Variants in RASEF observed in about 807,000 individuals in gnomAD.
The protein encoded by RASEF is ras and EF-hand domain-containing protein.
Under a neutral mutation model 90.1 loss-of-function variants are expected in RASEF, and 68 were observed. The ratio of observed to expected loss-of-function variants is 0.75; its 90% CI spans 0.62 to 0.92. The LOEUF (loss-of-function observed/expected upper bound fraction) is 0.92, where lower values mean the gene tolerates loss of function less well. Ranked by LOEUF, RASEF falls within the 40% of genes least tolerant of loss-of-function variation. The pLI is 0.00. For missense variants in RASEF, 949 were observed against 937.2 expected (o/e 1.01, Z -0.16); for synonymous variants, 331 against 345.2 (o/e 0.96, Z 0.46).
At chr9:83,120,234 A>T in the RASEF span, among the ~76,000 whole-genome samples, 1 of 152,240 alleles carries the variant, frequency 6.6e-6, no homozygotes, top group African/African-American at 2.4e-5. Context: ...GGAAAAAGTG[A>T]CTAGGGAAGG....
chr9:83,076,697 A>AT, the RASEF span, among the ~76,000 whole-genome samples: 1 of 152,204 alleles, frequency 6.6e-6, no homozygotes, highest in South Asian at 2.1e-4. Context: ...AGAGTGCCCT[A>AT]TAGAAGTGTT....
At chr9:83,165,179 T>G in the RASEF span, among the ~76,000 whole-genome samples, 1 of 152,096 alleles carries the variant, frequency 6.6e-6, no homozygotes, top group Non-Finnish European at 1.5e-5. Flanking sequence ...TGTTAACTAC[T>G]TCACTTAACA....
the RASEF span, among the ~76,000 whole-genome samples, chr9:83,077,344 A>G: frequency 6.6e-6 from 1 of 152,232 alleles, no homozygotes; most frequent in East Asian, 1.9e-4. Context: ...TAATATGACA[A>G]TAATTAGCCA....
At chr9:83,123,959 C>A in the RASEF span, among the ~76,000 whole-genome samples, 1 of 147,982 alleles carries the variant, frequency 6.8e-6, no homozygotes, top group African/African-American at 2.5e-5. Context: ...GAAACACTAA[C>A]TCTCCCTTAG....
At chr9:83,110,935 A>G in the RASEF span, among the ~76,000 whole-genome samples, 4 of 151,976 alleles carry the variant, frequency 2.6e-5, no homozygotes, top group African/African-American at 9.7e-5. Flanking sequence ...ATGAATTTAC[A>G]TGAAAAAAAA....
intron 1 of RASEF, among the ~76,000 whole-genome samples, chr9:83,056,216 C>G (rs1587527986): frequency 6.6e-6 from 1 of 152,048 alleles, no homozygotes; most frequent in African/African-American, 2.4e-5. Flanking sequence ...CAAGTTGAAG[C>G]AATGAACTTG....
chr9:83,111,147 A>T, the RASEF span, among the ~76,000 whole-genome samples: 2 of 152,250 alleles, frequency 1.3e-5, no homozygotes, highest in East Asian at 3.8e-4. Flanking sequence ...TTTAGGGGGC[A>T]AAAAGAAAAC....
chr9:83,047,439 A>G (rs1186879247), intron 1 of RASEF, among the ~76,000 whole-genome samples: 1 of 152,238 alleles, frequency 6.6e-6, no homozygotes, highest in Non-Finnish European at 1.5e-5. Context: ...ATGACCTCTT[A>G]TAACTAAATT....
At chr9:83,030,780 T>C (rs1006431629) in intron 1 of RASEF, among the ~76,000 whole-genome samples, 7 of 152,234 alleles carry the variant, frequency 4.6e-5, no homozygotes, top group African/African-American at 1.7e-4. Flanking sequence ...AAATGGTATG[T>C]GTTTGCCACC....
the RASEF span, among the ~76,000 whole-genome samples, chr9:83,181,351 G>A: frequency 1.3e-5 from 2 of 152,056 alleles, no homozygotes; most frequent in Non-Finnish European, 2.9e-5. Context: ...ACAAGGAGCA[G>A]ATTTCATCTC....
At chr9:83,070,334 T>C in the RASEF span, among the ~76,000 whole-genome samples, 2 of 152,156 alleles carry the variant, frequency 1.3e-5, no homozygotes, top group Non-Finnish European at 2.9e-5. Flanking sequence ...AGTTCACTTT[T>C]CTCTGTATGG....
chr9:83,097,814 A>T, the RASEF span, among the ~76,000 whole-genome samples: 1 of 152,202 alleles, frequency 6.6e-6, no homozygotes, highest in African/African-American at 2.4e-5. Flanking sequence ...ATTTGTTCAG[A>T]TGAATTAGCA....
chr9:82,990,242 T>C, intron 16 of RASEF, 149 bp downstream of exon 16: 1 of 547,530 alleles, frequency 1.8e-6, no homozygotes, highest in Non-Finnish European at 3.2e-6. Flanking sequence ...TGCCAGTTTT[T>C]ATAATATCCA....
rs772674928 is a variant in RASEF at position 83,000,570 on chromosome 9, C to A, written c.1438G>T (p.Val480Phe). ...GTCTCTTCATCCCTTATGTCAGGAA[C>A]CTATTTTTTTTAAAATGTCAGCAGT... ...SFGGDASDTD[V>F]PDIRDEETFG... The change falls in exon 11 of 17, where the codon GTT becomes TTT. Residue 480 changes from valine to phenylalanine, a missense_variant and splice_region_variant. Coordinates refer to ENST00000376447, the MANE Select transcript of RASEF (RefSeq NM_152573.4). 3.5e-5 allele frequency: 55 copies of A among 1,581,588 alleles called. No individual in the cohort carries two copies. The highest frequency in any genetic ancestry group is 4.4e-5 in the Non-Finnish European group (52 of 1,168,644).
chr9:83,097,927 C>G, the RASEF span, among the ~76,000 whole-genome samples: 1 of 152,184 alleles, frequency 6.6e-6, no homozygotes, highest in Admixed American at 6.5e-5. Flanking sequence ...TTTATAGGCA[C>G]TAGTTCTAGT....
chr9:83,064,969 G>A (rs1199851304), upstream of RASEF, among the ~76,000 whole-genome samples: 4 of 152,150 alleles, frequency 2.6e-5, no homozygotes, highest in Non-Finnish European at 5.9e-5. Context: ...TTGGATAGCT[G>A]AGGCAGGAGA....
At chr9:83,120,320 T>C in the RASEF span, among the ~76,000 whole-genome samples, 4 of 152,204 alleles carry the variant, frequency 2.6e-5, no homozygotes, top group African/African-American at 7.2e-5. Context: ...GGTGGGATTG[T>C]AACTCCTCAT....
intron 1 of RASEF, among the ~76,000 whole-genome samples, chr9:83,046,773 C>G (rs1829940089): frequency 6.6e-6 from 1 of 152,128 alleles, no homozygotes; most frequent in Non-Finnish European, 1.5e-5. Flanking sequence ...TGGCAGAGAT[C>G]ACCATGCTAG....
intron 1 of RASEF, among the ~76,000 whole-genome samples, chr9:83,026,508 G>A (rs1587505397): frequency 1.3e-5 from 2 of 152,210 alleles, no homozygotes; most frequent in African/African-American, 4.8e-5. Context: ...GAAGGAGGAA[G>A]AGCTCCTCCT....
Sources: allele counts gnomAD v4.1 joint callset (sites outside exome capture counted in the v4.1 genomes callset), GRCh38; gene constraint gnomAD v4.1.1; transcripts MANE v1.5; gene names NCBI Gene and HGNC (gene_info 2026-07-23, HGNC 2026-07-21).